The following PLEKHM3 variants were observed in gnomAD, a reference collection of about 807,000 sequenced individuals.
PLEKHM3 encodes the protein pleckstrin homology domain-containing family M member 3.
PLEKHM3 carries 45 observed loss-of-function variants against 81.8 expected under a neutral mutation model. That is an observed-to-expected ratio of 0.55 (90% CI 0.43 to 0.71). The LOEUF (loss-of-function observed/expected upper bound fraction) is 0.71. Ranked by LOEUF, PLEKHM3 falls within the 30% of genes least tolerant of loss-of-function variation. PLEKHM3 has a pLI of 0.00. For missense variants in PLEKHM3, 788 were observed against 924.3 expected (o/e 0.85, Z 1.91); for synonymous variants, 352 against 356.4 (o/e 0.99, Z 0.14).
intron 3 of PLEKHM3, among the ~76,000 whole-genome samples, chr2:207,962,924 TAAA>T (rs11388264): frequency 1.5e-5 from 2 of 135,778 alleles, no homozygotes; most frequent in Non-Finnish European, 1.5e-5. Context: ...AGTCAAAAAT[TAAA>T]AAAAAAAAAA....
chr2:207,992,631 A>G (rs1353832926), intron 2 of PLEKHM3, among the ~76,000 whole-genome samples: 2 of 152,302 alleles, frequency 1.3e-5, no homozygotes, highest in South Asian at 2.1e-4. Context: ...GGTATCTTCA[A>G]AGGACTTCCA....
chr2:207,918,955 T>G (rs1230736384), intron 5 of PLEKHM3, among the ~76,000 whole-genome samples: 2 of 152,016 alleles, frequency 1.3e-5, no homozygotes, highest in African/African-American at 4.8e-5. Context: ...TAAAATACCA[T>G]GTTTAATGGT....
intron 6 of PLEKHM3, among the ~76,000 whole-genome samples, chr2:207,888,281 C>G (rs1687944988): frequency 6.6e-6 from 1 of 152,070 alleles, no homozygotes; most frequent in African/African-American, 2.4e-5. Context: ...CTCAGCTTTG[C>G]TATTGAATTG....
At chr2:207,887,865 T>C (rs901579142) in intron 6 of PLEKHM3, among the ~76,000 whole-genome samples, 1 of 152,174 alleles carries the variant, frequency 6.6e-6, no homozygotes, top group Non-Finnish European at 1.5e-5. Flanking sequence ...GGGCAGGAGA[T>C]AGTGGACAAG....
chr2:208,011,247 C>T (rs768865670), intron 1 of PLEKHM3, among the ~76,000 whole-genome samples: 1 of 151,940 alleles, frequency 6.6e-6, no homozygotes, highest in Non-Finnish European at 1.5e-5. Flanking sequence ...GGTATCTACC[C>T]AAAGGAAAAG....
At chr2:207,905,000 A>C (rs1688556608) in intron 6 of PLEKHM3, among the ~76,000 whole-genome samples, 1 of 152,182 alleles carries the variant, frequency 6.6e-6, no homozygotes, top group Admixed American at 6.5e-5. Context: ...CACCATGTTT[A>C]TTAAATTCTT....
intron 3 of PLEKHM3, among the ~76,000 whole-genome samples, chr2:207,966,650 T>C: frequency 6.6e-6 from 1 of 152,268 alleles, no homozygotes; most frequent in East Asian, 1.9e-4. Flanking sequence ...CCTCCCGGGT[T>C]CAAGAGGTTC....
intron 3 of PLEKHM3, among the ~76,000 whole-genome samples, chr2:207,949,170 C>T (rs568279013): frequency 6.6e-6 from 1 of 152,330 alleles, no homozygotes; most frequent in East Asian, 1.9e-4. Flanking sequence ...TGATCACCTG[C>T]TTCTGAAAAC....
At chr2:207,911,921 A>G (rs1329242595) in intron 5 of PLEKHM3, among the ~76,000 whole-genome samples, 1 of 152,204 alleles carries the variant, frequency 6.6e-6, no homozygotes, top group Non-Finnish European at 1.5e-5. Flanking sequence ...TTTCTGCTTT[A>G]AAATTCTAAA....
At chr2:207,861,352 C>T (rs907182449) in intron 6 of PLEKHM3, 90 bp from the exon 7 acceptor site, 13 of 1,322,920 alleles carry the variant, frequency 9.8e-6, no homozygotes, top group South Asian at 1.6e-5. Flanking sequence ...CTTTCCTTTA[C>T]ACAACAGGAA....
At chr2:207,886,360 T>C (rs1687886606) in intron 6 of PLEKHM3, among the ~76,000 whole-genome samples, 1 of 152,130 alleles carries the variant, frequency 6.6e-6, no homozygotes, top group Non-Finnish European at 1.5e-5. Context: ...CCAAAGTCAT[T>C]GCATATAAGT....
rs776590835 is a variant in PLEKHM3, at chr2:207,828,493, A to C, written c.2112T>G (p.Cys704Trp). The change falls in exon 8 of 8, where the codon TGT becomes TGG. Residue 704 changes from cysteine to tryptophan, a missense_variant. Transcript: ENST00000427836. ...YPFEDISTSR[C>W]ESCGAVFHSE... The stretch of plus-strand genomic sequence containing the variant: ...AATGGAAAACGGCTCCACAGCTTTC[A>C]CACCTGCAAAAGTCAACCATGGATA... 5 of 1,613,410 alleles carry C rather than the reference A, an allele frequency of 3.1e-6. No individual in the cohort carries two copies.
At chr2:207,948,349 C>CTTTTTTTTTTT (rs752976462) in intron 3 of PLEKHM3, among the ~76,000 whole-genome samples, 2 of 81,066 alleles carry the variant, frequency 2.5e-5, no homozygotes, top group Non-Finnish European at 4.4e-5. Flanking sequence ...CTCCTCAGAT[C>CTTTTTTTTTTT]TTTTTTTTTT....
At chr2:207,982,578 CTTT>C (rs34116964) in intron 2 of PLEKHM3, among the ~76,000 whole-genome samples, 9 of 129,134 alleles carry the variant, frequency 7.0e-5, no homozygotes, top group Admixed American at 3.8e-4. Flanking sequence ...CATTGATTTT[CTTT>C]TTTTTTTTTT....
At chr2:207,917,206 T>C (rs531733663) in intron 5 of PLEKHM3, among the ~76,000 whole-genome samples, 5 of 152,356 alleles carry the variant, frequency 3.3e-5, no homozygotes, top group African/African-American at 1.2e-4. Context: ...AGCTAATCTG[T>C]TAAGGCTAAA....
At chr2:207,886,969 G>A (rs530074904) in intron 6 of PLEKHM3, among the ~76,000 whole-genome samples, 9 of 152,254 alleles carry the variant, frequency 5.9e-5, no homozygotes, top group African/African-American at 1.7e-4. Context: ...TTTCATCTAC[G>A]AAATGGGGAA....
intron 5 of PLEKHM3, among the ~76,000 whole-genome samples, chr2:207,927,097 C>A (rs987039418): frequency 5.3e-5 from 8 of 152,144 alleles, no homozygotes; most frequent in Non-Finnish European, 8.8e-5. Flanking sequence ...GAACTGGATT[C>A]TCTTGCTTTT....
intron 6 of PLEKHM3, among the ~76,000 whole-genome samples, chr2:207,865,803 GATATAT>G (rs71036961): frequency 3.4e-5 from 1 of 29,410 alleles, no homozygotes; most frequent in Non-Finnish European, 6.0e-5. Flanking sequence ...AAAAAAAAAA[GATATAT>G]ATATATATAT....
chr2:207,912,177 CA>C (rs1262752962), intron 5 of PLEKHM3, among the ~76,000 whole-genome samples: 1 of 152,176 alleles, frequency 6.6e-6, no homozygotes, highest in Non-Finnish European at 1.5e-5. Context: ...TTCTTGCTTC[CA>C]AACACTATTC....
Sources: allele counts gnomAD v4.1 joint callset (sites outside exome capture counted in the v4.1 genomes callset), GRCh38; gene constraint gnomAD v4.1.1; transcripts MANE v1.5; gene names NCBI Gene and HGNC (gene_info 2026-07-23, HGNC 2026-07-21).